Variants in RYR3 observed in about 807,000 individuals in gnomAD.
RYR3 encodes the protein ryanodine receptor 3.
RYR3 carries 207 observed loss-of-function variants against 584.3 expected under a neutral mutation model. That is an observed-to-expected ratio of 0.35 (90% confidence interval 0.32 to 0.40). RYR3 has a LOEUF of 0.40. RYR3 is among the 10% of genes least tolerant of loss of function. The pLI is 1.00. For synonymous variants in RYR3, 2,416 were observed against 2,248.5 expected, an observed-to-expected ratio of 1.07 and a Z score of -2.11; for missense variants, 5,616 against 6,089.2, an observed-to-expected ratio of 0.92 and a Z score of 2.59.
Position 33,504,300 on chromosome 15 carries a change from A to G in RYR3, c.279+562A>G, listed in dbSNP as rs142856125. 7.0e-3 allele frequency among the ~76,000 whole-genome samples: 1,068 copies of G among 152,338 alleles called. 13 individuals carry two copies. Among genetic ancestry groups the G allele is most frequent in the African/African-American group, 0.024 (1,016 of 41,580 alleles). On this transcript the variant is annotated intron_variant, in intron 3 of 103. Transcript: ENST00000634891. ...CTAAGAGACAAGCTCCATATTGCCT[A>G]TGTCAGAAGGCTTTTGGGCAAGACT...
chr15:33,585,549 A>G (rs2058806816), intron 15 of RYR3, among the ~76,000 whole-genome samples: 1 of 152,196 alleles, frequency 6.6e-6, no homozygotes, highest in African/African-American at 2.4e-5. Context: ...TTTCTAGGGT[A>G]GTTCCTAGAA....
chr15:33,451,280 G>A (rs1250458054), intron 1 of RYR3, among the ~76,000 whole-genome samples: 2 of 152,158 alleles, frequency 1.3e-5, no homozygotes, highest in East Asian at 3.9e-4. Context: ...TATTCAAACG[G>A]GCACCCTGTT....
intron 32 of RYR3, among the ~76,000 whole-genome samples, chr15:33,653,700 A>T (rs112104361): frequency 6.6e-6 from 1 of 151,926 alleles, no homozygotes; most frequent in African/African-American, 2.4e-5. Flanking sequence ...TATATAAACA[A>T]TGTGTTTCCT....
chr15:33,520,488 G>A (rs1365880038), intron 3 of RYR3, among the ~76,000 whole-genome samples: 6 of 152,142 alleles, frequency 3.9e-5, no homozygotes, highest in Non-Finnish European at 8.8e-5. Flanking sequence ...ATAGAAACCA[G>A]AGCAGTGACT....
intron 36 of RYR3, among the ~76,000 whole-genome samples, chr15:33,663,979 A>T (rs1378918374): frequency 2.6e-5 from 4 of 152,234 alleles, no homozygotes; most frequent in African/African-American, 9.6e-5. Context: ...TCCCTTCTTT[A>T]ACCCTCTCCA....
chr15:33,337,056 CAAAAAAAA>C (rs71117134), intron 1 of RYR3, among the ~76,000 whole-genome samples: 5 of 48,972 alleles, frequency 1.0e-4, no homozygotes, highest in East Asian at 8.7e-4. Flanking sequence ...GACTCCGTCT[CAAAAAAAA>C]AAAAAAAAAA....
intron 43 of RYR3, 79 bp from the exon 44 acceptor site, chr15:33,722,636 T>C: frequency 7.3e-7 from 1 of 1,368,208 alleles, no homozygotes; most frequent in South Asian, 1.2e-5. Context: ...AAAATACTGT[T>C]CTCCCAGCCT....
intron 38 of RYR3, among the ~76,000 whole-genome samples, chr15:33,692,923 T>C (rs1286897640): frequency 6.6e-6 from 1 of 152,186 alleles, no homozygotes; most frequent in African/African-American, 2.4e-5. Flanking sequence ...ATGTACTTGG[T>C]TTTATTATGA....
chr15:33,678,663 A>C (rs1351571322), intron 38 of RYR3, among the ~76,000 whole-genome samples: 1 of 152,240 alleles, frequency 6.6e-6, no homozygotes, highest in Non-Finnish European at 1.5e-5. Flanking sequence ...AGAAGTGTAC[A>C]TACCCAAAAA....
intron 43 of RYR3, among the ~76,000 whole-genome samples, chr15:33,714,443 C>G (rs2067341283): frequency 6.6e-6 from 1 of 151,840 alleles, no homozygotes; most frequent in Non-Finnish European, 1.5e-5. Context: ...GTTGAGAAGC[C>G]TTGGGTTGTG....
At chr15:33,682,575 G>A (rs1034214768) in intron 38 of RYR3, among the ~76,000 whole-genome samples, 2 of 152,106 alleles carry the variant, frequency 1.3e-5, no homozygotes, top group Non-Finnish European at 2.9e-5. Flanking sequence ...CATAAATGAA[G>A]CCATTTATAA....
intron 14 of RYR3, among the ~76,000 whole-genome samples, chr15:33,583,804 C>T (rs900148610): frequency 1.3e-5 from 2 of 152,124 alleles, no homozygotes; most frequent in East Asian, 3.9e-4. Context: ...GTAATCCCAG[C>T]ACTTTGGGAG....
intron 64 of RYR3, among the ~76,000 whole-genome samples, chr15:33,779,712 C>T (rs1189201852): frequency 1.3e-5 from 2 of 152,094 alleles, no homozygotes; most frequent in Non-Finnish European, 2.9e-5. Flanking sequence ...CAGTTAAGAA[C>T]TAGGATCTGG....
chr15:33,356,061 A>G (rs1328819090), intron 1 of RYR3, among the ~76,000 whole-genome samples: 1 of 152,096 alleles, frequency 6.6e-6, no homozygotes, highest in African/African-American at 2.4e-5. Flanking sequence ...AGTTTCAGAG[A>G]TAGATAAGAA....
At chr15:33,853,180 A>ATGC in intron 95 of RYR3, 93 bp downstream of exon 95, 1 of 1,092,466 alleles carries the variant, frequency 9.2e-7, no homozygotes, top group Non-Finnish European at 1.3e-6. Context: ...AGTAAATGTG[A>ATGC]TGCTACTTTT....
chr15:33,578,660 C>T (rs377186907), intron 12 of RYR3, among the ~76,000 whole-genome samples: 5 of 151,740 alleles, frequency 3.3e-5, no homozygotes, highest in African/African-American at 4.8e-5. Flanking sequence ...TAATGCATGC[C>T]GGGCCTAATA....
intron 1 of RYR3, among the ~76,000 whole-genome samples, chr15:33,324,024 A>G (rs1209833012): frequency 6.6e-6 from 1 of 152,160 alleles, no homozygotes; most frequent in Non-Finnish European, 1.5e-5. Context: ...GTTAGGTATA[A>G]TATGTCACTG....
In RYR3 at chr15:33,725,811, A is replaced by AAG. The variant is rs1555427467; in HGVS notation, c.6913-575_6913-574insAG. Among the ~76,000 whole-genome samples, 70 of 148,778 alleles carry AAG rather than the reference A, an allele frequency of 4.7e-4. No homozygotes were observed. The East Asian group carries it at 5.4e-3, about 11-fold the overall frequency. On this transcript the variant is annotated intron_variant, in intron 45 of 103. Transcript: ENST00000634891. ...CGTCTCTACTAAAAAAAAAAAAAAA[A>AAG]TACAAAAAATTAGCCAGGTGTGGTG...
intron 55 of RYR3, 67 bp downstream of exon 55, chr15:33,748,597 A>G: frequency 7.5e-7 from 1 of 1,337,152 alleles, no homozygotes; most frequent in Non-Finnish European, 1.1e-6. Flanking sequence ...AAAGAGTTAA[A>G]GGGGGAAAAA....
Sources: allele counts gnomAD v4.1 joint callset (sites outside exome capture counted in the v4.1 genomes callset), GRCh38; gene constraint gnomAD v4.1.1; transcripts MANE v1.5; gene names NCBI Gene and HGNC (gene_info 2026-07-23, HGNC 2026-07-21).